The following TOR1AIP2 variants were observed in gnomAD, a reference collection of about 807,000 sequenced individuals.
TOR1AIP2 encodes the protein torsin 1A interacting protein 2, also known as torsin-1A-interacting protein 2.
In TOR1AIP2, 20 loss-of-function variants were observed where a neutral mutation model predicts 32.6. The observed-to-expected ratio is 0.61, with a 90% confidence interval of 0.43 to 0.89. The LOEUF is 0.89. Among genes scored for constraint, TOR1AIP2 ranks in the 40% least tolerant of loss-of-function variants. The probability of loss-of-function intolerance (pLI) is 0.00; values close to 1 mark genes in which losing one functional copy is unlikely to be tolerated. For synonymous variants in TOR1AIP2, 214 were observed against 210.8 expected (o/e 1.02, Z -0.13); for missense variants, 456 against 553.8 (o/e 0.82, Z 1.77).
intron 4 of TOR1AIP2, among the ~76,000 whole-genome samples, chr1:179,851,812 T>C (rs1696125718): frequency 6.6e-6 from 1 of 152,200 alleles, no homozygotes. Flanking sequence ...TAAGAAGTAC[T>C]CTAGACCACT....
At chr1:179,859,338 A>C in intron 3 of TOR1AIP2, 1 of 915,732 alleles carries the variant, frequency 1.1e-6, no homozygotes, top group Non-Finnish European at 1.3e-6. Flanking sequence ...GAGATACAGA[A>C]AAGTTAAGAA....
intron 2 of TOR1AIP2, chr1:179,875,799 C>A (rs1165345815): frequency 1.3e-5 from 2 of 152,012 alleles, no homozygotes; most frequent in African/African-American, 4.8e-5. Context: ...GAATTCAAAC[C>A]CAGCTATGAC....
At chr1:179,866,532 C>G (rs777705305) in intron 2 of TOR1AIP2, among the ~76,000 whole-genome samples, 24 of 152,162 alleles carry the variant, frequency 1.6e-4, no homozygotes, top group Non-Finnish European at 2.9e-4. Flanking sequence ...CCTGCTTCAG[C>G]CTCCCAAGTA....
chr1:179,852,576 T>C lies in TOR1AIP2; in HGVS notation c.34+56A>G. The C allele has an allele frequency of 1.9e-6, 3 of 1,591,630 alleles. No individual in the cohort carries two copies. The South Asian group carries it at 3.3e-5, about 18-fold the overall frequency. Reference sequence around the variant, plus strand: ...TTAGTCATCAGAGATTTTCTCTCTCTGCACACCCCTGGTTTCCTACAGCAG... The same window carrying C: ...TTAGTCATCAGAGATTTTCTCTCTCCGCACACCCCTGGTTTCCTACAGCAG... On this transcript the variant is annotated intron_variant, in intron 4 of 6. Coordinates refer to ENST00000609928, the MANE Select transcript of TOR1AIP2 (RefSeq NM_001199260.2).
At chr1:179,860,240 T>A (rs961053527) in intron 3 of TOR1AIP2, 15 of 979,854 alleles carry the variant, frequency 1.5e-5, no homozygotes, top group African/African-American at 3.5e-5. Flanking sequence ...CCCAGCACTT[T>A]GGGAGGCCCA....
At chr1:179,864,700 T>C in intron 3 of TOR1AIP2, 1 of 1,505,502 alleles carries the variant, frequency 6.6e-7, no homozygotes, top group East Asian at 2.3e-5. Flanking sequence ...GGGTCAGACT[T>C]AGAAATGAAT....
chr1:179,864,331 A>G, intron 3 of TOR1AIP2: 2 of 987,510 alleles, frequency 2.0e-6, no homozygotes, highest in Non-Finnish European at 2.4e-6. Context: ...AGTTTACAAC[A>G]GTGTAATTTC....
At position 179,844,861 on chromosome 1, in the gene TOR1AIP2, AAAAT is replaced by A. The variant is rs1695841480; in HGVS notation, c.*1206_*1209del. On this transcript the variant is annotated 3_prime_UTR_variant, in exon 7 of 7. Coordinates refer to ENST00000609928, the MANE Select transcript of TOR1AIP2 (RefSeq NM_001199260.2). Reference sequence around the variant, plus strand: ...AATTTACTATTAAATTGGTTATTCAAAAATAAATTTTTAAAATAAAACAAATAAA... The same window carrying A: ...AATTTACTATTAAATTGGTTATTCAAAAATTTTTAAAATAAAACAAATAAA... 6.6e-6 allele frequency: 1 copy of A among 152,216 alleles called. No individual in the cohort carries two copies. Among genetic ancestry groups the A allele is most frequent in the African/African-American group, 2.4e-5 (1 of 41,452 alleles). 9.4% of individuals were successfully genotyped at this position (152,216 alleles called of 1,614,324 possible).
chr1:179,848,973 AC>A (rs1246157656), intron 5 of TOR1AIP2, among the ~76,000 whole-genome samples: 1 of 149,726 alleles, frequency 6.7e-6, no homozygotes, highest in Non-Finnish European at 1.5e-5. Context: ...TACTAAAAAT[AC>A]AAAAAAAAAA....
Position 179,860,838 on chromosome 1 carries a change from A to G in TOR1AIP2, c.-147+4598T>C, listed in dbSNP as rs12075036. The G allele has an allele frequency of 1.5e-3, 1,505 of 985,440 alleles. 13 individuals carry two copies. The African/African-American group carries it at 0.024, about 16-fold the overall frequency. The allele number at this position is 985,440 out of a possible 1,614,324, so 61.0% of individuals were successfully genotyped here. On this transcript the variant is annotated intron_variant, in intron 3 of 6. Transcript: ENST00000609928. Reference sequence around the variant, plus strand: ...GACTCAGGGTTGCCAGGGAGACTGGAGAGATGAACGGGCTGCGGCTCATCT... The same window carrying G: ...GACTCAGGGTTGCCAGGGAGACTGGGGAGATGAACGGGCTGCGGCTCATCT...
At chr1:179,858,814 T>C (rs1234868303) in intron 3 of TOR1AIP2, among the ~76,000 whole-genome samples, 1 of 152,100 alleles carries the variant, frequency 6.6e-6, no homozygotes, top group Non-Finnish European at 1.5e-5. Flanking sequence ...TTGCTAGCAT[T>C]GCCATGGCGA....
At chr1:179,877,174 C>G in intron 2 of TOR1AIP2, 65 bp downstream of exon 2, 1 of 152,080 alleles carries the variant, frequency 6.6e-6, no homozygotes, top group East Asian at 1.9e-4. Flanking sequence ...CACATCTTAA[C>G]CCATTTAATA....
At chr1:179,865,151 G>C in intron 3 of TOR1AIP2, 1 of 1,608,802 alleles carries the variant, frequency 6.2e-7, no homozygotes, top group Non-Finnish European at 8.5e-7. Context: ...TCCACAATCA[G>C]GGCAATGTGA....
intron 5 of TOR1AIP2, among the ~76,000 whole-genome samples, chr1:179,850,583 T>C (rs995225087): frequency 6.6e-6 from 1 of 152,250 alleles, no homozygotes; most frequent in Non-Finnish European, 1.5e-5. Context: ...CACATTAATA[T>C]AAACAGTTAA....
intron 3 of TOR1AIP2, chr1:179,860,184 G>A (rs1696464734): frequency 2.0e-6 from 2 of 985,248 alleles, no homozygotes; most frequent in Non-Finnish European, 2.4e-6. Flanking sequence ...AATTGGCTTA[G>A]TTCTAAAACT....
chr1:179,870,973 A>G (rs1696990726), intron 2 of TOR1AIP2, among the ~76,000 whole-genome samples: 1 of 152,272 alleles, frequency 6.6e-6, no homozygotes, highest in African/African-American at 2.4e-5. Flanking sequence ...AATGCCAAGT[A>G]CTATGGATAC....
intron 2 of TOR1AIP2, chr1:179,875,633 G>C (rs373233564): frequency 2.0e-5 from 3 of 152,180 alleles, no homozygotes; most frequent in East Asian, 3.9e-4. Context: ...TGTTGAGGTA[G>C]TGGAGTTATA....
rs192012339 is a variant in TOR1AIP2 at position 179,877,794 on chromosome 1, C to T, written c.-802G>A. ...GCTCGGCTGCACCCAGCGGCCGCCG[C>T]GGCCCGAATGTCGTCCAGGGTCCCC... On this transcript the variant is annotated 5_prime_UTR_variant, in exon 1 of 7. Transcript: ENST00000609928. The T allele has an allele frequency of 5.2e-3, 796 of 152,384 alleles. 8 individuals are homozygous for T. The highest frequency in any genetic ancestry group is 0.02 in the South Asian group (98 of 4,822). The allele number at this position is 152,384 out of a possible 1,614,324, so 9.4% of individuals were successfully genotyped here. A position where few individuals can be genotyped will look rare whatever the true frequency, so the allele number is the denominator to read the frequency against.
At chr1:179,848,556 G>GA (rs975419996) in intron 5 of TOR1AIP2, among the ~76,000 whole-genome samples, 3 of 152,130 alleles carry the variant, frequency 2.0e-5, no homozygotes, top group Non-Finnish European at 4.4e-5. Context: ...ATATGTGGGT[G>GA]AAAAGAAGGG....
Sources: allele counts gnomAD v4.1 joint callset (sites outside exome capture counted in the v4.1 genomes callset), GRCh38; gene constraint gnomAD v4.1.1; transcripts MANE v1.5; gene names NCBI Gene and HGNC (gene_info 2026-07-23, HGNC 2026-07-21).